Variants in CDH4 observed in about 807,000 individuals in gnomAD.
The protein encoded by CDH4 is cadherin-4.
In CDH4, 33 loss-of-function variants were observed where a neutral mutation model predicts 86.0. That is an observed-to-expected ratio of 0.38 (90% CI 0.29 to 0.51). The LOEUF is 0.51. Among genes scored for constraint, CDH4 ranks in the 20% least tolerant of loss-of-function variants. The pLI, the probability that CDH4 is intolerant of heterozygous loss-of-function variation, is 0.86. For missense variants in CDH4, 1,114 were observed against 1,307.4 expected (o/e 0.85, Z 2.28); for synonymous variants, 555 against 549.4 (o/e 1.01, Z -0.14).
intron 2 of CDH4, among the ~76,000 whole-genome samples, chr20:61,524,931 C>A (rs990378981): frequency 6.6e-6 from 1 of 151,656 alleles, no homozygotes; most frequent in Non-Finnish European, 1.5e-5. Context: ...CCACTCCTCA[C>A]CCTGTCCACC....
chr20:61,707,976 A>C (rs1215027214), intron 2 of CDH4, among the ~76,000 whole-genome samples: 1 of 152,090 alleles, frequency 6.6e-6, no homozygotes, highest in Non-Finnish European at 1.5e-5. Context: ...TGGCTTAGGA[A>C]GGCGGCCACC....
chr20:61,302,473 C>T (rs947369456), intron 2 of CDH4, among the ~76,000 whole-genome samples: 1 of 149,858 alleles, frequency 6.7e-6, no homozygotes, highest in Non-Finnish European at 1.5e-5. Context: ...GTATGTGTTT[C>T]CTTGGCCTGG....
chr20:61,652,917 AATTTATTTATTT>A (rs200661197), intron 2 of CDH4, among the ~76,000 whole-genome samples: 1 of 126,626 alleles, frequency 7.9e-6, no homozygotes, highest in African/African-American at 2.8e-5. Flanking sequence ...CCAGTGTTTG[AATTTATTTATTT>A]ATTTATTTAT....
rs2088540167 is a variant in CDH4 at position 61,754,762 on chromosome 20, TGCATGC to T, written c.396+10974_396+10979del. ...CACACTATGCACACCACACACACAGTGCATGCCACACACACCACACACACACTGCAC... is the reference window on the plus strand; with the variant it reads ...CACACTATGCACACCACACACACAGTCACACACACCACACACACACTGCAC... On this transcript the variant is annotated intron_variant, in intron 3 of 15. Transcript: ENST00000614565. This position sits in a 1 kb window ranked among gnomAD's most constrained non-coding sequence, Gnocchi z 4.7. 7.6e-6 allele frequency among the ~76,000 whole-genome samples: 1 copy of T among 131,972 alleles called. No homozygotes were observed. The highest frequency in any genetic ancestry group is 2.2e-4 in the East Asian group (1 of 4,482). The allele number at this position is 131,972 out of a possible 152,430, so 86.6% of individuals were successfully genotyped here.
At chr20:61,801,788 G>A (rs1040213662) in intron 4 of CDH4, among the ~76,000 whole-genome samples, 19 of 152,292 alleles carry the variant, frequency 1.2e-4, no homozygotes, top group African/African-American at 4.1e-4. Context: ...CTTCTCCTCT[G>A]TAGTCAAAGC....
At chr20:61,270,057 T>A (rs1336304729) in intron 2 of CDH4, among the ~76,000 whole-genome samples, 2 of 152,262 alleles carry the variant, frequency 1.3e-5, no homozygotes, top group Non-Finnish European at 2.9e-5. Flanking sequence ...TAATGGTCTT[T>A]ACATTTCTTA....
At chr20:61,565,940 G>T (rs1011045819) in intron 2 of CDH4, among the ~76,000 whole-genome samples, 1 of 152,172 alleles carries the variant, frequency 6.6e-6, no homozygotes, top group African/African-American at 2.4e-5. Context: ...CCAGCCCCAT[G>T]TACACTGTTG....
chr20:61,426,872 G>C (rs748714390), intron 2 of CDH4, among the ~76,000 whole-genome samples: 6 of 152,250 alleles, frequency 3.9e-5, no homozygotes, highest in Non-Finnish European at 7.3e-5. Flanking sequence ...TGTTCTTCTA[G>C]ATAAAAATCT....
chr20:61,540,261 T>A (rs1365994001), intron 2 of CDH4, among the ~76,000 whole-genome samples: 1 of 152,098 alleles, frequency 6.6e-6, no homozygotes, highest in East Asian at 1.9e-4. Context: ...TGGAAGAATT[T>A]CCTTTATTGA....
rs536652129 is a variant in CDH4, at chr20:61,809,220, G to T, written c.577-35448G>T. On this transcript the variant is annotated intron_variant, in intron 4 of 15. Transcript: ENST00000614565. ...GACGTGTTTCTAGGAAGGACGTGCT[G>T]TCATGACCCGCCATGGTGGTCCCGG... Among the ~76,000 whole-genome samples the T allele has an allele frequency of 3.3e-5, 5 of 152,338 alleles. No homozygotes were observed. The South Asian group carries it at 1.0e-3, about 32-fold the overall frequency.
chr20:61,648,295 G>C (rs542743184), intron 2 of CDH4, among the ~76,000 whole-genome samples: 5 of 152,216 alleles, frequency 3.3e-5, no homozygotes, highest in Non-Finnish European at 7.3e-5. Context: ...GGGTCAGCCC[G>C]GGTTGGAGAG....
At chr20:61,777,334 G>T (rs1291245574) in intron 4 of CDH4, among the ~76,000 whole-genome samples, 1 of 152,196 alleles carries the variant, frequency 6.6e-6, no homozygotes, top group Non-Finnish European at 1.5e-5. Flanking sequence ...CCTGCAAAAT[G>T]GCCCAGCAGT....
intron 2 of CDH4, among the ~76,000 whole-genome samples, chr20:61,540,124 C>G (rs2086029038): frequency 6.6e-6 from 1 of 152,192 alleles, no homozygotes; most frequent in African/African-American, 2.4e-5. Context: ...GTAGCTCTCC[C>G]AGGTCCTCCT....
In CDH4 at chr20:61,349,789, A is replaced by G. The variant is rs575246756; in HGVS notation, c.169+94852A>G. ...AAATAAGACCCCTCTGAGGCCAACC[A>G]TGTACGTGGAAAGGAGCATGTGCTC... On this transcript the variant is annotated intron_variant, in intron 2 of 15. Transcript: ENST00000614565. 9.9e-5 allele frequency among the ~76,000 whole-genome samples: 15 copies of G among 152,276 alleles called. No homozygotes were observed. The South Asian group carries it at 2.9e-3, about 29-fold the overall frequency.
At chr20:61,687,182 A>G (rs181632216) in intron 2 of CDH4, among the ~76,000 whole-genome samples, 2 of 152,332 alleles carry the variant, frequency 1.3e-5, no homozygotes, top group Non-Finnish European at 2.9e-5. Flanking sequence ...CCCTTTCCAG[A>G]AAGCTGCAGA....
intron 3 of CDH4, among the ~76,000 whole-genome samples, chr20:61,756,563 C>T (rs1410171484): frequency 2.0e-5 from 3 of 150,986 alleles, no homozygotes; most frequent in African/African-American, 7.3e-5. Flanking sequence ...TCCCTCATCC[C>T]CGGGTCCCTC....
intron 8 of CDH4, among the ~76,000 whole-genome samples, chr20:61,899,950 G>A (rs1391485980): frequency 1.3e-5 from 2 of 152,352 alleles, no homozygotes; most frequent in Admixed American, 6.5e-5. Context: ...CCTGGGGTCT[G>A]TGGGTCTGTG....
At chr20:61,878,727 C>T (rs564833126) in intron 7 of CDH4, among the ~76,000 whole-genome samples, 16 of 152,366 alleles carry the variant, frequency 1.1e-4, no homozygotes, top group Non-Finnish European at 2.4e-4. Flanking sequence ...CCGGAGGAGA[C>T]GCAGGGCCCT....
intron 2 of CDH4, among the ~76,000 whole-genome samples, chr20:61,594,961 TTGAG>T (rs11470640): frequency 0.04 from 6,055 of 152,282 alleles, 380 homozygotes; most frequent in African/African-American, 0.14. Context: ...TCACTGTTTA[TTGAG>T]TATCCTCTTT....
Sources: allele counts gnomAD v4.1 joint callset (sites outside exome capture counted in the v4.1 genomes callset), GRCh38; gene constraint gnomAD v4.1.1; non-coding constraint Gnocchi (gnomAD v3.1); transcripts MANE v1.5; gene names NCBI Gene and HGNC (gene_info 2026-07-23, HGNC 2026-07-21).